Variants in SEPTIN12 observed in about 807,000 individuals in gnomAD.
SEPTIN12 encodes septin-12.
Under a neutral mutation model 37.7 loss-of-function variants are expected in SEPTIN12, and 42 were observed. The ratio of observed to expected loss-of-function variants is 1.11; its 90% CI spans 0.87 to 1.44. SEPTIN12 has a LOEUF of 1.44. SEPTIN12 is among the 40% of genes most tolerant of loss of function. The pLI is 0.00. For synonymous variants in SEPTIN12, 254 were observed against 196.7 expected (o/e 1.29, Z -2.44); for missense variants, 613 against 479.2 (o/e 1.28, Z -2.61).
In SEPTIN12 at chr16:4,783,773, G is replaced by A. The variant is rs759827611; in HGVS notation, c.513-7C>T. On this transcript the variant is annotated splice_region_variant and splice_polypyrimidine_tract_variant and intron_variant, in intron 5 of 9. Coordinates refer to ENST00000268231, the MANE Select transcript of SEPTIN12 (RefSeq NM_144605.5). ...AATGTCCAGGGGCCGCAGGCTGCCG[G>A]AGGCAGGGCAGTGATGGGGGTGGCG... is the stretch of plus-strand genomic sequence containing the variant. 2.2e-5 allele frequency: 35 copies of A among 1,613,428 alleles called. 1 individual carries two copies. The East Asian group carries it at 7.8e-4, about 36-fold the overall frequency.
intron 8 of SEPTIN12, among the ~76,000 whole-genome samples, chr16:4,778,983 A>G (rs1209984762): frequency 6.6e-6 from 1 of 151,098 alleles, no homozygotes; most frequent in Non-Finnish European, 1.5e-5. Flanking sequence ...ATAAACATAC[A>G]AAAAATTAGC....
chr16:4,782,989 A>G (rs184925882), intron 7 of SEPTIN12, among the ~76,000 whole-genome samples: 8 of 149,448 alleles, frequency 5.4e-5, no homozygotes, highest in Admixed American at 5.3e-4. Flanking sequence ...CACTCACTGC[A>G]ACCTCTGCCT....
chr16:4,778,805 A>AT (rs1317438419), intron 8 of SEPTIN12, among the ~76,000 whole-genome samples: 1 of 149,714 alleles, frequency 6.7e-6, no homozygotes, highest in African/African-American at 2.5e-5. Context: ...GTCTCAAAAA[A>AT]ATATATATAT....
chr16:4,778,021 C>G (rs757355442), intron 9 of SEPTIN12, 23 bp from the exon 10 acceptor site: 39 of 1,612,240 alleles, frequency 2.4e-5, no homozygotes, highest in Non-Finnish European at 3.2e-5. Flanking sequence ...AGACGGTCAG[C>G]CCCGATGGTG....
chr16:4,779,864 A>T (rs1168130282), intron 7 of SEPTIN12, 78 bp from the exon 8 acceptor site: 2 of 887,564 alleles, frequency 2.3e-6, no homozygotes, highest in African/African-American at 3.3e-5. Flanking sequence ...GCACCCAGGC[A>T]GGAGAGGGGA....
chr16:4,784,009 A>G lies in SEPTIN12; in HGVS notation c.434T>C (p.Ile145Thr), dbSNP rs1567565898. 4 of 1,613,960 alleles carry G rather than the reference A, an allele frequency of 2.5e-6. No individual in the cohort carries two copies. Among genetic ancestry groups the G allele is most frequent in the Middle Eastern group, 1.6e-4 (1 of 6,062 alleles). Residue 145 changes from isoleucine (I) to threonine (T), a missense_variant, in exon 5 of 10, where the codon ATC (isoleucine) becomes ACC (threonine). Coordinates refer to ENST00000268231, the MANE Select transcript of SEPTIN12 (RefSeq NM_144605.5). ...EQYEQYLQEE[I>T]LITRQRHIPD... ...GATGTGGCGCTGGCGGGTGATGAGGATCTCCTCCTGCAGGTACTGCTCGTA... is the reference window on the plus strand; with the variant it reads ...GATGTGGCGCTGGCGGGTGATGAGGGTCTCCTCCTGCAGGTACTGCTCGTA...
chr16:4,785,978 A>G lies in SEPTIN12; in HGVS notation c.292+2T>C. 6.2e-7 allele frequency: 1 copy of G among 1,612,516 alleles called. No individual in the cohort carries two copies. The highest frequency in any genetic ancestry group is 1.1e-5 in the South Asian group (1 of 90,952). On this transcript the variant is annotated splice_donor_variant, in intron 3 of 9. Coordinates refer to ENST00000268231, the MANE Select transcript of SEPTIN12 (RefSeq NM_144605.5). LOFTEE classifies it high-confidence loss of function. ...GTGAGGTGTGGGCAGGGGCTCACTC[A>G]CCATGGGTCAGTGAATGCAGCTGCA...
chr16:4,783,827 C>G, intron 5 of SEPTIN12, 61 bp from the exon 6 acceptor site: 1 of 1,599,302 alleles, frequency 6.3e-7, no homozygotes, highest in South Asian at 1.1e-5. Flanking sequence ...ACGACAGCAG[C>G]AGGGCACGGG....
At chr16:4,781,034 G>T (rs2082366347) in intron 7 of SEPTIN12, among the ~76,000 whole-genome samples, 1 of 152,166 alleles carries the variant, frequency 6.6e-6, no homozygotes, top group South Asian at 2.1e-4. Flanking sequence ...GCTGAGATGG[G>T]TGGATCACAA....
chr16:4,778,500 A>G (rs1039190934), intron 8 of SEPTIN12, among the ~76,000 whole-genome samples: 1 of 152,214 alleles, frequency 6.6e-6, no homozygotes, highest in African/African-American at 2.4e-5. Context: ...TATCATAGGC[A>G]ATAGTATAGT....
intron 9 of SEPTIN12, 31 bp from the exon 10 acceptor site, chr16:4,778,029 G>C: frequency 6.2e-7 from 1 of 1,612,530 alleles, no homozygotes; most frequent in Non-Finnish European, 8.5e-7. Context: ...AGCCCCGATG[G>C]TGGTGTCCCC....
At chr16:4,786,782 G>C (rs970921921) in intron 2 of SEPTIN12, among the ~76,000 whole-genome samples, 2 of 152,078 alleles carry the variant, frequency 1.3e-5, no homozygotes, top group Non-Finnish European at 1.5e-5. Flanking sequence ...AAGTAGCTGG[G>C]ATTCAGGTGC....
At chr16:4,791,254 G>A (rs1436764340), upstream of SEPTIN12, among the ~76,000 whole-genome samples, 4 of 152,192 alleles carry the variant, frequency 2.6e-5, no homozygotes, top group South Asian at 8.3e-4. Context: ...AAAGCATGCT[G>A]TCATCTGGAA....
chr16:4,777,870 G>A lies in SEPTIN12; in HGVS notation c.1004C>T (p.Pro335Leu). ...PGWVNLAPAS[P>L]GQLTTPRTFK... Reference sequence around the variant, plus strand: ...GGTCCGGGGGGTGGTCAGCTGTCCTGGGGAGGCCGGGGCCAGGTTCACCCA... The same window carrying A: ...GGTCCGGGGGGTGGTCAGCTGTCCTAGGGAGGCCGGGGCCAGGTTCACCCA... Residue 335 changes from proline to leucine, a missense_variant, in exon 10 of 10, where the codon CCA becomes CTA. By Grantham distance (98) the Pro-to-Leu change is moderately conservative. Transcript: ENST00000268231. 1.3e-6 allele frequency: 2 copies of A among 1,596,446 alleles called. No individual in the cohort carries two copies. Among genetic ancestry groups the A allele is most frequent in the Non-Finnish European group, 8.5e-7 (1 of 1,172,348 alleles).
upstream of SEPTIN12, among the ~76,000 whole-genome samples, chr16:4,791,025 G>A (rs1401141361): frequency 2.0e-5 from 3 of 152,210 alleles, no homozygotes; most frequent in Non-Finnish European, 4.4e-5. Context: ...AAATGGCTCT[G>A]GTGATGGTGA....
rs376807826 is a variant in SEPTIN12 at position 4,783,793 on chromosome 16, G to T, written c.513-27C>A. ...TGCCGGAGGCAGGGCAGTGATGGGG[G>T]TGGCGGTGGTGGTGAGTGTATAAAC... On this transcript the variant is annotated intron_variant, in intron 5 of 9. Coordinates refer to ENST00000268231, the MANE Select transcript of SEPTIN12 (RefSeq NM_144605.5). The T allele has an allele frequency of 1.9e-5, 31 of 1,607,396 alleles. 1 individual carries two copies. In the African/African-American group the frequency reaches 3.3e-4, roughly 17 times the overall value.
In SEPTIN12 at chr16:4,779,697, G is replaced by A. The variant is rs2082351778; in HGVS notation, c.816C>T (p.Ile272=). 1.2e-6 allele frequency: 2 copies of A among 1,610,096 alleles called. No homozygotes were observed. Among genetic ancestry groups the A allele is most frequent in the African/African-American group, 1.3e-5 (1 of 74,952 alleles). Residue 272 remains isoleucine, a synonymous_variant, in exon 8 of 10, where the codon ATC becomes ATT. Transcript: ENST00000268231. The stretch of plus-strand genomic sequence containing the variant: ...CAGGGGCCCCGCACTGACCTTCAAT[G>A]ATGCCCCACTTGGTCTTCCGGCCCA... The part of the protein sequence containing the change: ...CVLGRKTKWG[I]IEVENMAHCE...
chr16:4,781,096 C>G (rs6500632), intron 7 of SEPTIN12, among the ~76,000 whole-genome samples: 4 of 151,284 alleles, frequency 2.6e-5, no homozygotes, highest in Non-Finnish European at 4.4e-5. Flanking sequence ...CCATCTCTAC[C>G]AAAAAGACAA....
chr16:4,784,456 A>T (rs775048071), intron 4 of SEPTIN12, among the ~76,000 whole-genome samples: 16 of 152,262 alleles, frequency 1.1e-4, no homozygotes, highest in Non-Finnish European at 1.6e-4. Context: ...CACTGTAAGT[A>T]GCCAAACAGA....
Sources: allele counts gnomAD v4.1 joint callset (sites outside exome capture counted in the v4.1 genomes callset), GRCh38; gene constraint gnomAD v4.1.1; transcripts MANE v1.5; gene names NCBI Gene and HGNC (gene_info 2026-07-23, HGNC 2026-07-21).